ZNF333: variants seen among roughly 807,000 people sequenced by gnomAD.
ZNF333 encodes zinc finger protein 333.
A neutral mutation model predicts 76.1 loss-of-function variants in ZNF333; 61 were observed. That is an observed-to-expected ratio of 0.80 (90% CI 0.65 to 0.99). The LOEUF is 0.99. ZNF333 is among the 50% of genes least tolerant of loss of function. ZNF333 has a pLI of 0.00. For synonymous variants in ZNF333, 284 were observed against 305.0 expected (o/e 0.93, Z 0.72); for missense variants, 717 against 822.4 (o/e 0.87, Z 1.57).
At chr19:14,698,935 T>TATATATATATATATACAC (rs1180611568) in intron 4 of ZNF333, among the ~76,000 whole-genome samples, 8 of 139,348 alleles carry the variant, frequency 5.7e-5, no homozygotes, top group South Asian at 4.5e-4. Flanking sequence ...TATATATATA[T>TATATATATATATATACAC]ACACACATAT....
In ZNF333 at chr19:14,716,218, A is replaced by G. The variant is rs529122570; in HGVS notation, c.707A>G (p.Tyr236Cys). ...SLYRDVMLEN[Y>C]RNLASVADQL... ...TATAGAGATGTGATGCTGGAGAACT[A>G]CAGGAACCTGGCCTCTGTGGGTAAG... is the stretch of plus-strand genomic sequence containing the variant. The change falls in exon 9 of 12, where the codon TAC becomes TGC. Residue 236 changes from tyrosine to cysteine, a missense_variant. By Grantham distance (194) the Tyr-to-Cys change is radical. Transcript: ENST00000292530. The G allele has an allele frequency of 1.9e-6, 3 of 1,613,392 alleles. No homozygotes were observed. In the South Asian group the frequency reaches 3.3e-5, roughly 18 times the overall value.
At chr19:14,731,079 GCCCCTCCTGC>G in intron 11 of ZNF333, 1 of 1,059,946 alleles carries the variant, frequency 9.4e-7, no homozygotes, top group Non-Finnish European at 1.4e-6. Flanking sequence ...CTCAAGCACC[GCCCCTCCTGC>G]CCCCTCCCCC....
exon 12 of ZNF333, chr19:14,733,645 T>G (rs1044708249): frequency 6.6e-6 from 1 of 152,192 alleles, no homozygotes; most frequent in African/African-American, 2.4e-5. Flanking sequence ...CCCTAAATCC[T>G]TAAACACTCT....
chr19:14,695,210 C>G, intron 3 of ZNF333, 77 bp downstream of exon 3: 1 of 1,545,248 alleles, frequency 6.5e-7, no homozygotes, highest in Non-Finnish European at 8.8e-7. Context: ...GTGAAGAAGA[C>G]AGACGTGGCT....
rs1170549237 is a variant in ZNF333 at position 14,720,018 on chromosome 19, TCTA to T, written c.*697_*699del. The T allele has an allele frequency of 2.4e-6, 2 of 818,128 alleles. No individual in the cohort carries two copies. Among genetic ancestry groups the T allele is most frequent in the African/African-American group, 3.7e-5 (2 of 53,740 alleles). The allele number at this position is 818,128 out of a possible 1,614,324, so 50.7% of individuals were successfully genotyped here. On this transcript the variant is annotated 3_prime_UTR_variant, in exon 12 of 12. Transcript: ENST00000292530. ...CTGGCCAACATGGTGAAATCCCCTC[TCTA>T]CTAAAAATATAAAAATTAGCCAAGT...
downstream of ZNF333, among the ~76,000 whole-genome samples, chr19:14,724,716 ACAT>A (rs140723537): frequency 0.12 from 18,312 of 152,180 alleles, 1,296 homozygotes; most frequent in African/African-American, 0.2. Flanking sequence ...CAGTGAGCCG[ACAT>A]CATGCCATTG....
At chr19:14,706,543 A>C in intron 6 of ZNF333, 143 bp from the exon 7 acceptor site, 1 of 721,204 alleles carries the variant, frequency 1.4e-6, no homozygotes, top group South Asian at 1.6e-5. Flanking sequence ...GTAAATCCTG[A>C]CAAGGTAAAT....
chr19:14,725,785 T>G (rs569517977), downstream of ZNF333, among the ~76,000 whole-genome samples: 4 of 152,322 alleles, frequency 2.6e-5, no homozygotes, highest in East Asian at 7.7e-4. Context: ...GCCCTGTGGC[T>G]TTGCAGGGTG....
chr19:14,695,446 C>T (rs1599686964), intron 3 of ZNF333, 120 bp from the exon 4 acceptor site: 2 of 1,005,666 alleles, frequency 2.0e-6, no homozygotes, highest in East Asian at 2.6e-5. Context: ...CACACTTGCT[C>T]AGCCCAGAGA....
At chr19:14,717,763 C>T in intron 11 of ZNF333, 30 bp downstream of exon 11, 1 of 1,592,142 alleles carries the variant, frequency 6.3e-7, no homozygotes, top group Non-Finnish European at 8.6e-7. Context: ...ATTCATGGTT[C>T]TCTATAGTAG....
At chr19:14,717,202 T>C (rs2042460184) in intron 10 of ZNF333, 113 bp downstream of exon 10, 1 of 806,890 alleles carries the variant, frequency 1.2e-6, no homozygotes, top group Non-Finnish European at 1.9e-6. Flanking sequence ...GAAGCCTGTT[T>C]GGTTGAGCTC....
At chr19:14,726,959 A>G (rs111486318) in intron 11 of ZNF333, among the ~76,000 whole-genome samples, 96 of 148,562 alleles carry the variant, frequency 6.5e-4, no homozygotes, top group African/African-American at 2.3e-3. Context: ...AATTTTCTGT[A>G]TTAGCCTGTT....
Position 14,702,219 on chromosome 19 carries a change from GA to G in ZNF333, c.307-2833del, listed in dbSNP as rs554341003. ...AGAGGAGGGTGGGAAACTGCTCTTA[GA>G]AGAGTCCCAAGGAAGCCAGGCACAG... is the stretch of plus-strand genomic sequence containing the variant. On this transcript the variant is annotated intron_variant, in intron 5 of 11. Transcript: ENST00000292530. 2.9e-3 allele frequency among the ~76,000 whole-genome samples: 438 copies of G among 152,292 alleles called. 3 individuals carry two copies. The highest frequency in any genetic ancestry group is 9.5e-3 in the African/African-American group (395 of 41,560).
intron 7 of ZNF333, chr19:14,715,077 C>G (rs1325589229): frequency 3.6e-6 from 1 of 277,704 alleles, no homozygotes; most frequent in South Asian, 3.8e-5. Context: ...CTATATGTCT[C>G]TTTGTGTGCT....
At chr19:14,697,636 C>T (rs572940024) in intron 4 of ZNF333, among the ~76,000 whole-genome samples, 9 of 152,130 alleles carry the variant, frequency 5.9e-5, no homozygotes, top group Non-Finnish European at 1.3e-4. Context: ...GGTGGGATTA[C>T]AGGCGTGCGC....
chr19:14,731,312 G>T, exon 12 of ZNF333: 1 of 959,784 alleles, frequency 1.0e-6, no homozygotes, highest in Non-Finnish European at 1.6e-6. Flanking sequence ...AAGCTTGCAG[G>T]TCAGTGGCCT....
At chr19:14,732,064 T>C (rs1242302552) in exon 12 of ZNF333, 1 of 152,250 alleles carries the variant, frequency 6.6e-6, no homozygotes, top group African/African-American at 2.4e-5. Context: ...TCAATATTCC[T>C]GGATGTAGGA....
In ZNF333 at chr19:14,720,433, A is replaced by G. The variant is rs2042562310; in HGVS notation, c.*1108A>G. 1.0e-6 allele frequency: 1 copy of G among 985,344 alleles called. No individual in the cohort carries two copies. The highest frequency in any genetic ancestry group is 1.2e-6 in the Non-Finnish European group (1 of 829,948). 61.0% of individuals were successfully genotyped at this position (985,344 alleles called of 1,614,324 possible). ...ACCATAAGGGTAAAAGCCGCAAGCT[A>G]AGAAGAGGGTGGCCGGAAGTCATAA... On this transcript the variant is annotated 3_prime_UTR_variant, in exon 12 of 12. Coordinates refer to ENST00000292530, the MANE Select transcript of ZNF333 (RefSeq NM_032433.4).
At chr19:14,696,327 C>T (rs1973184077) in intron 4 of ZNF333, among the ~76,000 whole-genome samples, 1 of 152,144 alleles carries the variant, frequency 6.6e-6, no homozygotes, top group African/African-American at 2.4e-5. Context: ...ACCCTGTCCC[C>T]ATGGGCAGTT....
Sources: gnomAD v4.1 joint callset for allele counts (sites outside exome capture counted in the v4.1 genomes callset) on GRCh38, gnomAD v4.1.1 for gene constraint, MANE v1.5 for transcripts, NCBI Gene and HGNC (gene_info 2026-07-23, HGNC 2026-07-21) for gene names.